Variants in AFP observed in about 807,000 individuals in gnomAD.
AFP encodes alpha-fetoprotein.
Under a neutral mutation model 78.9 loss-of-function variants are expected in AFP, and 64 were observed. The ratio of observed to expected loss-of-function variants is 0.81; its 90% CI spans 0.66 to 1.00. The LOEUF (loss-of-function observed/expected upper bound fraction) is 1.00, where lower values mean the gene tolerates loss of function less well. AFP is among the 50% of genes least tolerant of loss of function. The pLI, the probability that AFP is intolerant of heterozygous loss-of-function variation, is 0.00. For synonymous variants in AFP, 254 were observed against 243.8 expected, an observed-to-expected ratio of 1.04 and a Z score of -0.39; for missense variants, 689 against 703.8, an observed-to-expected ratio of 0.98 and a Z score of 0.24.
intron 7 of AFP, among the ~76,000 whole-genome samples, 183 bp downstream of exon 7, chr4:73,445,305 T>C (rs1279421546): frequency 6.6e-6 from 1 of 152,216 alleles, no homozygotes; most frequent in East Asian, 1.9e-4. Context: ...ATCCTGGCTT[T>C]CACTTTAGCT....
chr4:73,455,700 C>T lies in AFP; in HGVS notation c.*80C>T, dbSNP rs1213129682. ...CTCTTTAATTTTAACTGATTTAACACTTTTTGTGAATTAATGAAATGATAA... is the reference window on the plus strand; with the variant it reads ...CTCTTTAATTTTAACTGATTTAACATTTTTTGTGAATTAATGAAATGATAA... On this transcript the variant is annotated 3_prime_UTR_variant, in exon 15 of 15. Coordinates refer to ENST00000395792, the MANE Select transcript of AFP (RefSeq NM_001134.3). The T allele has an allele frequency of 1.4e-6, 1 of 692,364 alleles. No individual in the cohort carries two copies. The highest frequency in any genetic ancestry group is 2.6e-6 in the Non-Finnish European group (1 of 382,070). 42.9% of individuals were successfully genotyped at this position (692,364 alleles called of 1,614,324 possible). A position where few individuals can be genotyped will look rare whatever the true frequency, so the allele number is the denominator to read the frequency against.
chr4:73,451,358 G>A (rs569049102), intron 11 of AFP, among the ~76,000 whole-genome samples: 1 of 152,198 alleles, frequency 6.6e-6, no homozygotes, highest in East Asian at 1.9e-4. Flanking sequence ...AAGATTACAG[G>A]ATGAATTAAA....
rs1719531477 is a variant in AFP, at chr4:73,437,152, C to T, written c.86-8C>T. The T allele has an allele frequency of 6.2e-7, 1 of 1,607,638 alleles. No individual in the cohort carries two copies. The highest frequency in any genetic ancestry group is 8.5e-7 in the Non-Finnish European group (1 of 1,174,684). On this transcript the variant is annotated splice_polypyrimidine_tract_variant and splice_region_variant and intron_variant, in intron 1 of 14. Transcript: ENST00000395792. ...AACACGTTTCATGAAGTTTATTTTGCTTTCCAGCTTCCATATTGGATTCTT... is the reference window on the plus strand; with the variant it reads ...AACACGTTTCATGAAGTTTATTTTGTTTTCCAGCTTCCATATTGGATTCTT...
intron 8 of AFP, 121 bp downstream of exon 8, chr4:73,447,797 G>A (rs1719875740): frequency 1.2e-6 from 1 of 845,286 alleles, no homozygotes; most frequent in South Asian, 1.6e-5. Context: ...GAGGATATTT[G>A]GCTAGAATGT....
At chr4:73,441,815 C>G (rs1019911065) in intron 4 of AFP, among the ~76,000 whole-genome samples, 4 of 152,172 alleles carry the variant, frequency 2.6e-5, no homozygotes, top group Non-Finnish European at 4.4e-5. Flanking sequence ...ATCACTTCTG[C>G]CTTCCATGTT....
In AFP at chr4:73,450,063, G is replaced by T. The variant is rs773624608; in HGVS notation, c.1219G>T (p.Glu407Ter). 6.2e-7 allele frequency: 1 copy of T among 1,613,448 alleles called. No individual in the cohort carries two copies. The highest frequency in any genetic ancestry group is 1.7e-4 in the Middle Eastern group (1 of 6,060). ...AGAAGAATTACAGAAATACATCCAG[G>T]AGAGCCAAGCATTGGCAAAGCGAAG... ...GEEELQKYIQESQALAKRSCG... is the reference protein window; with the variant it reads ...GEEELQKYIQ The change falls in exon 10 of 15, where the codon GAG becomes TAG. Residue 407 changes from glutamate to a stop codon, truncating the protein, a stop_gained. Transcript: ENST00000395792. LOFTEE classifies it high-confidence loss of function.
chr4:73,449,645 C>T (rs1560396659), intron 9 of AFP, among the ~76,000 whole-genome samples, 178 bp downstream of exon 9: 1 of 152,148 alleles, frequency 6.6e-6, no homozygotes. Context: ...GCTTTAGAAA[C>T]AAAAATGTTA....
At chr4:73,450,976 G>A (rs1298090783) in intron 11 of AFP, among the ~76,000 whole-genome samples, 1 of 152,204 alleles carries the variant, frequency 6.6e-6, no homozygotes, top group Non-Finnish European at 1.5e-5. Flanking sequence ...AGTTCAGCCA[G>A]TTTAGTCAAC....
chr4:73,450,527 T>TGAGAGTA, intron 10 of AFP, 88 bp from the exon 11 acceptor site: 1 of 1,584,900 alleles, frequency 6.3e-7, no homozygotes, highest in Non-Finnish European at 8.6e-7. Context: ...TCTTCTGGCA[T>TGAGAGTA]GAGAGTAGAG....
chr4:73,448,504 T>A lies in AFP; in HGVS notation c.1058+828T>A, dbSNP rs996882521. Among the ~76,000 whole-genome samples the A allele has an allele frequency of 1.5e-4, 23 of 152,246 alleles. 2 individuals carry two copies. Among genetic ancestry groups the A allele is most frequent in the Admixed American group, 1.5e-3 (23 of 15,298 alleles). On this transcript the variant is annotated intron_variant, in intron 8 of 14. Coordinates refer to ENST00000395792, the MANE Select transcript of AFP (RefSeq NM_001134.3). ...TCTATTATTGCATTAAAATTAAACA[T>A]TCACACATTGTTTGCACTGCTAAAT...
chr4:73,444,949 C>A, intron 6 of AFP, 44 bp from the exon 7 acceptor site: 1 of 1,517,878 alleles, frequency 6.6e-7, no homozygotes, highest in Non-Finnish European at 9.1e-7. Context: ...TTTATTTTGA[C>A]AGATAACCAA....
rs1560393428 is a variant in AFP, at chr4:73,442,756, G to A, written c.615+328G>A. ...GAAAACGGAGAAAAGGAGGAGCAGAGGAGAGAGAAAAAATGAAGAACTATG... is the reference window on the plus strand; with the variant it reads ...GAAAACGGAGAAAAGGAGGAGCAGAAGAGAGAGAAAAAATGAAGAACTATG... On this transcript the variant is annotated intron_variant, in intron 5 of 14. Coordinates refer to ENST00000395792, the MANE Select transcript of AFP (RefSeq NM_001134.3). Among the ~76,000 whole-genome samples the A allele has an allele frequency of 3.1e-5, 4 of 128,978 alleles. No individual in the cohort carries two copies. The East Asian group carries it at 6.7e-4, about 22-fold the overall frequency. 84.6% of individuals were successfully genotyped at this position (128,978 alleles called of 152,430 possible).
intron 11 of AFP, among the ~76,000 whole-genome samples, chr4:73,452,011 T>C (rs550691246): frequency 6.6e-6 from 1 of 152,300 alleles, no homozygotes; most frequent in East Asian, 1.9e-4. Flanking sequence ...TTTGTGCTAT[T>C]CTTACCTTCA....
rs760793408 is a variant in AFP at position 73,440,686 on chromosome 4, G to C, written c.355G>C (p.Glu119Gln). 12 of 1,614,160 alleles carry C rather than the reference G, an allele frequency of 7.4e-6. No individual in the cohort carries two copies. The highest frequency in any genetic ancestry group is 9.3e-6 in the Non-Finnish European group (11 of 1,180,016). Reference protein sequence around the residue: ...GHSDCCSQSEEGRHNCFLAHK... With the variant: ...GHSDCCSQSEQGRHNCFLAHK... The stretch of plus-strand genomic sequence containing the variant: ...TTCAGACTGCTGCAGCCAAAGTGAA[G>C]AGGGAAGACATAACTGTTTTCTTGC... Residue 119 changes from glutamate (E) to glutamine (Q), a missense_variant, in exon 4 of 15, where the codon GAG (glutamate) becomes CAG (glutamine). Transcript: ENST00000395792.
chr4:73,453,625 G>C (rs1330629784), intron 12 of AFP, 140 bp from the exon 13 acceptor site: 2 of 928,456 alleles, frequency 2.2e-6, no homozygotes, highest in African/African-American at 3.3e-5. Context: ...GAAAGTACTA[G>C]ACAAGGTGTG....
At chr4:73,441,370 T>A (rs1357176644) in intron 4 of AFP, among the ~76,000 whole-genome samples, 1 of 151,146 alleles carries the variant, frequency 6.6e-6, no homozygotes, top group Non-Finnish European at 1.5e-5. Context: ...ATCGAGACCA[T>A]CCTGGCTAAC....
chr4:73,448,194 A>G (rs1354093820), intron 8 of AFP, among the ~76,000 whole-genome samples: 1 of 152,194 alleles, frequency 6.6e-6, no homozygotes, highest in East Asian at 1.9e-4. Flanking sequence ...AAGAAAATCA[A>G]AACATGTTTA....
Position 73,447,545 on chromosome 4 carries a change from A to C in AFP, c.927A>C (p.Glu309Asp). The C allele has an allele frequency of 6.2e-7, 1 of 1,611,910 alleles. No individual in the cohort carries two copies. The highest frequency in any genetic ancestry group is 8.5e-7 in the Non-Finnish European group (1 of 1,178,686). The stretch of plus-strand genomic sequence containing the variant: ...AATGCTGCAAACTGACCACGCTGGA[A>C]CGTGGTCAATGTATAATTCATGCAG... ...ITECCKLTTLERGQCIIHAEN... is the reference protein window; with the variant it reads ...ITECCKLTTLDRGQCIIHAEN... The change falls in exon 8 of 15, where the codon GAA becomes GAC. Residue 309 changes from glutamate to aspartate, a missense_variant. Glu to Asp is a conservative substitution (Grantham distance 45). Coordinates refer to ENST00000395792, the MANE Select transcript of AFP (RefSeq NM_001134.3).
At chr4:73,436,504 T>G (rs1478294877) in intron 1 of AFP, among the ~76,000 whole-genome samples, 157 bp downstream of exon 1, 1 of 151,846 alleles carries the variant, frequency 6.6e-6, no homozygotes, top group East Asian at 1.9e-4. Flanking sequence ...AAGATAAACT[T>G]GTAACTTTAC....
Sources: allele counts gnomAD v4.1 joint callset (sites outside exome capture counted in the v4.1 genomes callset), GRCh38; gene constraint gnomAD v4.1.1; transcripts MANE v1.5; gene names NCBI Gene and HGNC (gene_info 2026-07-23, HGNC 2026-07-21).